Variants in ALDH1L2 observed in about 807,000 individuals in gnomAD.
ALDH1L2 encodes the protein mitochondrial 10-formyltetrahydrofolate dehydrogenase.
ALDH1L2 carries 91 observed loss-of-function variants against 111.0 expected under a neutral mutation model. That is an observed-to-expected ratio of 0.82 (90% CI 0.69 to 0.98). The LOEUF (loss-of-function observed/expected upper bound fraction) is 0.98, where lower values mean the gene tolerates loss of function less well. Among genes scored for constraint, ALDH1L2 ranks in the 50% least tolerant of loss-of-function variants. The pLI, the probability that ALDH1L2 is intolerant of heterozygous loss-of-function variation, is 0.00. For synonymous variants in ALDH1L2, 374 were observed against 392.6 expected (o/e 0.95, Z 0.56); for missense variants, 995 against 1,126.8 (o/e 0.88, Z 1.67).
chr12:105,075,762 A>G (rs1034851420), intron 1 of ALDH1L2, among the ~76,000 whole-genome samples: 3 of 152,196 alleles, frequency 2.0e-5, no homozygotes, highest in African/African-American at 7.2e-5. Context: ...AAGATTCCAG[A>G]AAATTGGACT....
In ALDH1L2 at chr12:105,062,946, T is replaced by C. The variant is rs761294315; in HGVS notation, c.863A>G (p.Lys288Arg). The change falls in exon 7 of 23, where the codon AAG (lysine) becomes AGG (arginine). Residue 288 changes from lysine to arginine, a missense_variant. Coordinates refer to ENST00000258494, the MANE Select transcript of ALDH1L2 (RefSeq NM_001034173.4). ...PGEPLEIKGA[K>R]KPGLVTKNGL... The stretch of plus-strand genomic sequence containing the variant: ...ATTTTTGGTAACGAGACCAGGCTTC[T>C]TGGCACCTTTAATTTCCAGTGGTTC... 3.1e-6 allele frequency: 5 copies of C among 1,614,206 alleles called. No individual in the cohort carries two copies. In the Admixed American group the frequency reaches 8.3e-5, roughly 27 times the overall value.
intron 1 of ALDH1L2, among the ~76,000 whole-genome samples, chr12:105,082,091 G>A (rs927529823): frequency 3.9e-5 from 6 of 152,224 alleles, no homozygotes; most frequent in Non-Finnish European, 8.8e-5. Flanking sequence ...CTACTCAAAA[G>A]GCTGAGGCAG....
At chr12:105,049,881 T>G in intron 13 of ALDH1L2, 27 bp downstream of exon 13, 1 of 1,593,044 alleles carries the variant, frequency 6.3e-7, no homozygotes, top group South Asian at 1.1e-5. Flanking sequence ...CCCTTTTTCT[T>G]TCAGAACAAA....
intron 18 of ALDH1L2, among the ~76,000 whole-genome samples, chr12:105,034,876 C>G (rs1238693146): frequency 6.6e-6 from 1 of 152,032 alleles, no homozygotes; most frequent in Non-Finnish European, 1.5e-5. Flanking sequence ...CCCAGCTACT[C>G]AGGGGGCTGA....
In ALDH1L2 at chr12:105,034,411, A is replaced by G. The variant is rs374313269; in HGVS notation, c.2146-13T>C. ...CTGCTCCCATGCCCTTCAGTGGGAG[A>G]AGAGAAAATATTGCTAACATCATTT... is the stretch of plus-strand genomic sequence containing the variant. On this transcript the variant is annotated splice_polypyrimidine_tract_variant and intron_variant, in intron 18 of 22. Transcript: ENST00000258494. 1 of 1,599,928 alleles carries G rather than the reference A, an allele frequency of 6.3e-7. No homozygotes were observed. Among genetic ancestry groups the G allele is most frequent in the Non-Finnish European group, 8.5e-7 (1 of 1,169,696 alleles).
chr12:105,032,799 T>A (rs113713271), intron 19 of ALDH1L2, among the ~76,000 whole-genome samples: 3 of 152,196 alleles, frequency 2.0e-5, no homozygotes, highest in Non-Finnish European at 4.4e-5. Flanking sequence ...ATACTTACAC[T>A]GTTCATGGCA....
At chr12:105,071,614 GTATATATATATATATATA>G (rs1232180249) in intron 2 of ALDH1L2, among the ~76,000 whole-genome samples, 5 of 25,270 alleles carry the variant, frequency 2.0e-4, no homozygotes, top group South Asian at 2.2e-3. Flanking sequence ...TATATAAGTA[GTATATATATATATATATA>G]TATATATATA....
chr12:105,066,712 C>T (rs374297669), intron 4 of ALDH1L2, 43 bp from the exon 5 acceptor site: 1 of 1,538,480 alleles, frequency 6.5e-7, no homozygotes, highest in Non-Finnish European at 9.0e-7. Context: ...CAATGATCAA[C>T]AATGGCATGG....
chr12:105,054,445 A>G (rs1876487459), intron 10 of ALDH1L2, among the ~76,000 whole-genome samples: 1 of 152,244 alleles, frequency 6.6e-6, no homozygotes, highest in Admixed American at 6.5e-5. Flanking sequence ...GCTGAATCAC[A>G]GTAAGAAAAG....
At position 105,021,797 on chromosome 12, in the gene ALDH1L2, A is replaced by C. The variant is rs976727545; in HGVS notation, c.*2627T>G. 1 of 152,128 alleles carries C rather than the reference A, an allele frequency of 6.6e-6. No individual in the cohort carries two copies. Among genetic ancestry groups the C allele is most frequent in the Non-Finnish European group, 1.5e-5 (1 of 68,032 alleles). 9.4% of individuals were successfully genotyped at this position (152,128 alleles called of 1,614,324 possible). A position where few individuals can be genotyped will look rare whatever the true frequency, so the allele number is the denominator to read the frequency against. The stretch of plus-strand genomic sequence containing the variant: ...ATACTGGAGTTGGGGAGGGTTGTTC[A>C]TATCTAATTAAGAAGGCAAGTAATT... On this transcript the variant is annotated 3_prime_UTR_variant, in exon 23 of 23. Transcript: ENST00000258494.
At chr12:105,040,119 C>A (rs1173777841) in intron 16 of ALDH1L2, among the ~76,000 whole-genome samples, 1 of 117,602 alleles carries the variant, frequency 8.5e-6, no homozygotes, top group Admixed American at 9.1e-5. Context: ...GAGTGAGACT[C>A]CGTCTCAAAA....
chr12:105,040,520 AG>A, intron 16 of ALDH1L2, 86 bp downstream of exon 16: 1 of 1,167,554 alleles, frequency 8.6e-7, no homozygotes, highest in East Asian at 2.3e-5. Context: ...GTTATAATTC[AG>A]GACAAGTCTC....
chr12:105,047,798 G>A (rs924530510), intron 13 of ALDH1L2: 3 of 152,144 alleles, frequency 2.0e-5, no homozygotes, highest in Non-Finnish European at 4.4e-5. Context: ...TTGGAATTCA[G>A]AATTTTTTGG....
At chr12:105,047,296 T>C (rs1178744051) in intron 13 of ALDH1L2, among the ~76,000 whole-genome samples, 1 of 152,178 alleles carries the variant, frequency 6.6e-6, no homozygotes, top group Non-Finnish European at 1.5e-5. Context: ...GACAGGAATA[T>C]GCCCAGATCA....
At chr12:105,032,179 T>C (rs1473964518) in intron 19 of ALDH1L2, among the ~76,000 whole-genome samples, 2 of 140,962 alleles carry the variant, frequency 1.4e-5, no homozygotes, top group Admixed American at 6.8e-5. Context: ...AACTTCTTTT[T>C]TTTTTTTTTT....
At chr12:105,067,645 C>T (rs10459203) in intron 4 of ALDH1L2, among the ~76,000 whole-genome samples, 29,833 of 151,940 alleles carry the variant, frequency 0.2, 3,124 homozygotes, top group African/African-American at 0.27. Flanking sequence ...ATTTTCACTG[C>T]GAGGCCCACG....
chr12:105,083,656 G>A (rs573150641), intron 1 of ALDH1L2, among the ~76,000 whole-genome samples: 12 of 150,574 alleles, frequency 8.0e-5, no homozygotes, highest in African/African-American at 2.7e-4. Flanking sequence ...TCCCTAAACA[G>A]TCCCGAGGCC....
In ALDH1L2 at chr12:105,074,044, A is replaced by G. The variant is rs151327020; in HGVS notation, c.49-39T>C. 4.4e-4 allele frequency: 712 copies of G among 1,612,726 alleles called. 1 individual carries two copies. In the African/African-American group the frequency reaches 7.9e-3, roughly 18 times the overall value. On this transcript the variant is annotated intron_variant, in intron 1 of 22. Transcript: ENST00000258494. ...CAATGACGAAGACATAAGCATGGAT[A>G]GAAGACACTGGATGAGGGTGAGGGT... is the stretch of plus-strand genomic sequence containing the variant.
chr12:105,040,757 C>T, intron 15 of ALDH1L2, 63 bp from the exon 16 acceptor site: 6 of 1,350,864 alleles, frequency 4.4e-6, no homozygotes, highest in Non-Finnish European at 5.3e-6. Context: ...GCCCAGAACC[C>T]AGTTTTCCCT....
Sources: allele counts gnomAD v4.1 joint callset (sites outside exome capture counted in the v4.1 genomes callset), GRCh38; gene constraint gnomAD v4.1.1; transcripts MANE v1.5; gene names NCBI Gene and HGNC (gene_info 2026-07-23, HGNC 2026-07-21).